RAD51B: variants seen among roughly 807,000 people sequenced by gnomAD.
RAD51B encodes RAD51 paralog B.
In RAD51B, 38 loss-of-function variants were observed where a neutral mutation model predicts 42.2. That is an observed-to-expected ratio of 0.90 (90% CI 0.70 to 1.18). RAD51B has a LOEUF of 1.18. Ranked by LOEUF, RAD51B falls within the 50% of genes most tolerant of loss-of-function variation. RAD51B has a pLI of 0.00. For synonymous variants in RAD51B, 154 were observed against 145.2 expected, an observed-to-expected ratio of 1.06 and a Z score of -0.43; for missense variants, 373 against 400.7, an observed-to-expected ratio of 0.93 and a Z score of 0.59.
chr14:68,203,470 T>C (rs1367878626), intron 7 of RAD51B, among the ~76,000 whole-genome samples: 1 of 152,224 alleles, frequency 6.6e-6, no homozygotes, highest in African/African-American at 2.4e-5. Context: ...GTTCCACTTC[T>C]AGAGCACAGG....
At chr14:68,492,495 A>G (rs897784438) in intron 10 of RAD51B, among the ~76,000 whole-genome samples, 2 of 152,354 alleles carry the variant, frequency 1.3e-5, no homozygotes, top group Middle Eastern at 3.4e-3. Flanking sequence ...GGGCTGCTAC[A>G]ACTGAAGGGA....
chr14:68,603,271 G>T, intron 10 of RAD51B, among the ~76,000 whole-genome samples: 1 of 152,090 alleles, frequency 6.6e-6, no homozygotes, highest in East Asian at 1.9e-4. Flanking sequence ...TTTTTAGGGC[G>T]TCACTTATGA....
intron 8 of RAD51B, among the ~76,000 whole-genome samples, chr14:68,388,094 AT>A (rs10676248): frequency 0.021 from 2,492 of 118,692 alleles, 34 homozygotes; most frequent in African/African-American, 0.049. Flanking sequence ...ATATATATAT[AT>A]TTTTTTTTTT....
At chr14:68,046,378 A>T (rs568232194) in intron 7 of RAD51B, among the ~76,000 whole-genome samples, 1 of 152,268 alleles carries the variant, frequency 6.6e-6, no homozygotes, top group African/African-American at 2.4e-5. Context: ...TGGTCTCCGG[A>T]AGTTCTGGGA....
chr14:67,993,809 A>G (rs970867177), intron 7 of RAD51B, among the ~76,000 whole-genome samples: 2 of 152,174 alleles, frequency 1.3e-5, no homozygotes, highest in Admixed American at 6.5e-5. Context: ...CATTCTGTCA[A>G]CAGTGTATGA....
chr14:68,641,840 T>A (rs903413682), intron 10 of RAD51B, among the ~76,000 whole-genome samples: 31 of 150,564 alleles, frequency 2.1e-4, no homozygotes, highest in African/African-American at 7.5e-4. Context: ...GGATTATAGG[T>A]GTGAGCCACC....
intron 8 of RAD51B, among the ~76,000 whole-genome samples, chr14:68,408,220 A>G (rs2084330146): frequency 6.6e-6 from 1 of 152,194 alleles, no homozygotes. Flanking sequence ...TTACAGTTAA[A>G]TCAGTAAGAC....
At chr14:68,530,446 C>CAAAAAAAAAAAAAAAAAAGAAAAA (rs1887215156) in intron 10 of RAD51B, among the ~76,000 whole-genome samples, 1 of 67,844 alleles carries the variant, frequency 1.5e-5, no homozygotes, top group Non-Finnish European at 2.8e-5. Context: ...GACCCTGTCT[C>CAAAAAAAAAAAAAAAAAAGAAAAA]AAAAAAAAAA....
At chr14:68,037,488 G>T (rs2076152631) in intron 7 of RAD51B, among the ~76,000 whole-genome samples, 1 of 151,894 alleles carries the variant, frequency 6.6e-6, no homozygotes, top group Admixed American at 6.6e-5. Context: ...CAAAGTGCTG[G>T]AATTACAGGT....
At chr14:68,257,818 A>T (rs2080785073) in intron 7 of RAD51B, among the ~76,000 whole-genome samples, 1 of 152,116 alleles carries the variant, frequency 6.6e-6, no homozygotes. Context: ...ATAGAAGTGG[A>T]GTCCATGTCA....
chr14:68,471,215 C>T (rs1013662388), intron 10 of RAD51B, among the ~76,000 whole-genome samples: 6 of 152,170 alleles, frequency 3.9e-5, no homozygotes, highest in South Asian at 4.2e-4. Flanking sequence ...GAAGGGAGGC[C>T]GCCAGCCACT....
chr14:68,028,135 G>A (rs893261154), intron 7 of RAD51B, among the ~76,000 whole-genome samples: 3 of 152,210 alleles, frequency 2.0e-5, no homozygotes, highest in African/African-American at 7.2e-5. Context: ...TGATCTGGTA[G>A]ATGGCACTTA....
At chr14:68,533,065 G>A (rs1887409843) in intron 10 of RAD51B, among the ~76,000 whole-genome samples, 1 of 151,926 alleles carries the variant, frequency 6.6e-6, no homozygotes, top group East Asian at 1.9e-4. Context: ...AGTGCAATGA[G>A]AAAAGAAAGA....
rs934629801 is a variant in RAD51B at position 68,243,564 on chromosome 14, A to T, written c.757-48320A>T. 4.6e-5 allele frequency among the ~76,000 whole-genome samples: 7 copies of T among 152,044 alleles called. 1 individual carries two copies. Among genetic ancestry groups the T allele is most frequent in the African/African-American group, 1.7e-4 (7 of 41,368 alleles). On this transcript the variant is annotated intron_variant, in intron 7 of 10. Coordinates refer to ENST00000471583, the MANE Select transcript of RAD51B (RefSeq NM_133510.4). ...TTAGTTTCCCTTTGTTCACTTATTT[A>T]TAGCTCTGCTGTGGGTATGGTTTGG...
At chr14:68,637,444 T>C (rs1892363845) in intron 10 of RAD51B, among the ~76,000 whole-genome samples, 1 of 152,180 alleles carries the variant, frequency 6.6e-6, no homozygotes, top group African/African-American at 2.4e-5. Context: ...TGGGCAGGCC[T>C]GAAAGATCTC....
chr14:68,079,382 C>A (rs539153399), intron 7 of RAD51B, among the ~76,000 whole-genome samples: 1 of 152,180 alleles, frequency 6.6e-6, no homozygotes, highest in African/African-American at 2.4e-5. Context: ...CATTGATTTG[C>A]ATAATATTTT....
chr14:68,186,494 A>G (rs1241794199), intron 7 of RAD51B, among the ~76,000 whole-genome samples: 15 of 152,226 alleles, frequency 9.9e-5, no homozygotes, highest in Non-Finnish European at 8.8e-5. Context: ...AAATTCTGTT[A>G]GGAACTTATT....
At chr14:68,381,311 G>C (rs2083472696) in intron 8 of RAD51B, among the ~76,000 whole-genome samples, 1 of 152,170 alleles carries the variant, frequency 6.6e-6, no homozygotes. Flanking sequence ...ACTTATGTGA[G>C]CTTCACTTAA....
intron 7 of RAD51B, among the ~76,000 whole-genome samples, chr14:68,014,214 T>TC (rs1373483839): frequency 1.4e-5 from 2 of 142,534 alleles, no homozygotes; most frequent in Non-Finnish European, 3.0e-5. Context: ...TTTTTTTTTT[T>TC]CCCATTAACA....
Sources: gnomAD v4.1 joint callset for allele counts (sites outside exome capture counted in the v4.1 genomes callset) on GRCh38, gnomAD v4.1.1 for gene constraint, MANE v1.5 for transcripts, NCBI Gene and HGNC (gene_info 2026-07-23, HGNC 2026-07-21) for gene names.